TRPC4: variants seen among roughly 807,000 people sequenced by gnomAD.
TRPC4 encodes the protein short transient receptor potential channel 4.
In TRPC4, 49 loss-of-function variants were observed where a neutral mutation model predicts 99.4. The observed-to-expected ratio is 0.49, with a 90% CI of 0.39 to 0.63. The LOEUF is 0.63. Ranked by LOEUF, TRPC4 falls within the 20% of genes least tolerant of loss-of-function variation. The pLI is 0.00. For missense variants in TRPC4, 898 were observed against 1,152.9 expected, an observed-to-expected ratio of 0.78 and a Z score of 3.20; for synonymous variants, 454 against 425.9, an observed-to-expected ratio of 1.07 and a Z score of -0.81.
At chr13:37,685,621 A>G (rs911677718) in intron 4 of TRPC4, among the ~76,000 whole-genome samples, 1 of 151,134 alleles carries the variant, frequency 6.6e-6, no homozygotes, top group African/African-American at 2.4e-5. Context: ...TTTTTTTTTA[A>G]CTTTGACTCT....
chr13:37,742,588 G>A (rs1320829754), intron 3 of TRPC4, among the ~76,000 whole-genome samples: 1 of 152,116 alleles, frequency 6.6e-6, no homozygotes, highest in African/African-American at 2.4e-5. Context: ...TTCATAGAAT[G>A]CTCCTGCGGT....
intron 1 of TRPC4, among the ~76,000 whole-genome samples, chr13:37,791,292 A>G (rs1222139313): frequency 6.7e-6 from 1 of 149,654 alleles, no homozygotes; most frequent in East Asian, 2.1e-4. Context: ...GCTACTTGGG[A>G]GGCTGAGGCA....
intron 3 of TRPC4, among the ~76,000 whole-genome samples, chr13:37,707,712 A>G (rs964169539): frequency 3.3e-5 from 5 of 152,142 alleles, no homozygotes; most frequent in African/African-American, 1.2e-4. Flanking sequence ...TCCTCTTGCA[A>G]TTCTGGGATA....
chr13:37,838,801 A>G (rs1405361043), intron 1 of TRPC4, among the ~76,000 whole-genome samples: 3 of 152,180 alleles, frequency 2.0e-5, no homozygotes, highest in Non-Finnish European at 2.9e-5. Flanking sequence ...ACCTAAAACC[A>G]TATTCTACAT....
chr13:37,714,375 C>T (rs9603249), intron 3 of TRPC4, among the ~76,000 whole-genome samples: 22,827 of 152,126 alleles, frequency 0.15, 1,756 homozygotes, highest in East Asian at 0.26. Flanking sequence ...GATCCATCCA[C>T]CTTGGCCTCC....
intron 3 of TRPC4, among the ~76,000 whole-genome samples, chr13:37,743,429 AT>A (rs1157675321): frequency 6.6e-6 from 1 of 152,168 alleles, no homozygotes; most frequent in African/African-American, 2.4e-5. Context: ...AGGTTTTGAC[AT>A]TGAAACCACT....
intron 1 of TRPC4, among the ~76,000 whole-genome samples, chr13:37,838,474 C>T (rs1359662662): frequency 1.3e-5 from 2 of 152,122 alleles, no homozygotes; most frequent in Admixed American, 6.5e-5. Context: ...AAGTCGACCA[C>T]AGGATATTTT....
chr13:37,633,215 A>G lies in TRPC4; in HGVS notation c.*3688T>C, dbSNP rs1951430592. Reference sequence around the variant, plus strand: ...TGAAGTTAAGAGGAATGCCAGTAATATTAAATTTCTAAATTCTATGGTTAG... The same window carrying G: ...TGAAGTTAAGAGGAATGCCAGTAATGTTAAATTTCTAAATTCTATGGTTAG... On this transcript the variant is annotated 3_prime_UTR_variant, in exon 11 of 11. Coordinates refer to ENST00000379705, the MANE Select transcript of TRPC4 (RefSeq NM_016179.4). 6.6e-6 allele frequency among the ~76,000 whole-genome samples: 1 copy of G among 152,210 alleles called. No individual in the cohort carries two copies. Among genetic ancestry groups the G allele is most frequent in the Non-Finnish European group, 1.5e-5 (1 of 68,020 alleles).
chr13:37,829,416 C>G (rs1162557888), intron 1 of TRPC4, among the ~76,000 whole-genome samples: 1 of 152,178 alleles, frequency 6.6e-6, no homozygotes. Flanking sequence ...TGAGATACCA[C>G]TTTGCACCCA....
rs186162139 is a variant in TRPC4 at position 37,773,740 on chromosome 13, A to T, written c.378+9216T>A. On this transcript the variant is annotated intron_variant, in intron 2 of 10. Transcript: ENST00000379705. ...ATGATCTTAAGAGAATGCTTGATAA[A>T]TTGTAATACTGAATTTTTTGGTAGC... is the stretch of plus-strand genomic sequence containing the variant. 1.8e-3 allele frequency among the ~76,000 whole-genome samples: 279 copies of T among 151,928 alleles called. 1 individual carries two copies. Among genetic ancestry groups the T allele is most frequent in the African/African-American group, 6.4e-3 (265 of 41,532 alleles).
intron 1 of TRPC4, among the ~76,000 whole-genome samples, chr13:37,787,898 T>A (rs888817799): frequency 1.8e-4 from 28 of 152,228 alleles, no homozygotes; most frequent in African/African-American, 6.5e-4. Flanking sequence ...CATTTTAATT[T>A]CCTTTTAATT....
At chr13:37,658,934 T>C (rs1952338505) in intron 6 of TRPC4, among the ~76,000 whole-genome samples, 1 of 151,874 alleles carries the variant, frequency 6.6e-6, no homozygotes, top group South Asian at 2.1e-4. Context: ...TGAGGTAGGA[T>C]TTGGAAAAAA....
At chr13:37,750,601 A>T (rs117362342) in intron 2 of TRPC4, among the ~76,000 whole-genome samples, 2,470 of 152,226 alleles carry the variant, frequency 0.016, 46 homozygotes, top group Non-Finnish European at 0.028. Flanking sequence ...CTTTCCTGAA[A>T]TGAATTCCAC....
Position 37,679,255 on chromosome 13 carries a change from T to C in TRPC4, c.1235-4888A>G, listed in dbSNP as rs1047887627. ...GCTGCCTCCTGTGGTGGTTATTACATGACTGTATGCGTTTTAACATTTTAT... is the reference window on the plus strand; with the variant it reads ...GCTGCCTCCTGTGGTGGTTATTACACGACTGTATGCGTTTTAACATTTTAT... On this transcript the variant is annotated intron_variant, in intron 4 of 10. Coordinates refer to ENST00000379705, the MANE Select transcript of TRPC4 (RefSeq NM_016179.4). 5.9e-5 allele frequency among the ~76,000 whole-genome samples: 9 copies of C among 152,164 alleles called. No homozygotes were observed. The East Asian group carries it at 1.3e-3, about 23-fold the overall frequency.
chr13:37,687,238 T>C (rs1970125), intron 4 of TRPC4, among the ~76,000 whole-genome samples: 85,352 of 152,040 alleles, frequency 0.56, 24,194 homozygotes, highest in Middle Eastern at 0.64. Flanking sequence ...GCTGGGATTA[T>C]AGGTGTGAGC....
chr13:37,717,075 A>C (rs1954701714), intron 3 of TRPC4, among the ~76,000 whole-genome samples: 1 of 152,154 alleles, frequency 6.6e-6, no homozygotes, highest in South Asian at 2.1e-4. Flanking sequence ...GGCTGCCCAG[A>C]AGATAGTAAC....
intron 2 of TRPC4, among the ~76,000 whole-genome samples, chr13:37,782,247 TA>T: frequency 6.6e-6 from 1 of 152,206 alleles, no homozygotes. Context: ...TCCACTTCCT[TA>T]GTGGAAAAAG....
At chr13:37,645,902 G>A (rs1951849079) in intron 8 of TRPC4, among the ~76,000 whole-genome samples, 1 of 152,184 alleles carries the variant, frequency 6.6e-6, no homozygotes, top group South Asian at 2.1e-4. Context: ...GGGAAATAAA[G>A]TTTCATCAAA....
chr13:37,716,167 T>G (rs9532109), intron 3 of TRPC4, among the ~76,000 whole-genome samples: 6,600 of 152,310 alleles, frequency 0.043, 216 homozygotes, highest in Middle Eastern at 0.071. Flanking sequence ...AAACATATCT[T>G]AATTTGTTAT....
Sources: gnomAD v4.1 joint callset for allele counts (sites outside exome capture counted in the v4.1 genomes callset) on GRCh38, gnomAD v4.1.1 for gene constraint, MANE v1.5 for transcripts, NCBI Gene and HGNC (gene_info 2026-07-23, HGNC 2026-07-21) for gene names.